The following KCNT2 variants were observed in gnomAD, a reference collection of about 807,000 sequenced individuals.
KCNT2 encodes the protein potassium channel subfamily T member 2.
Under a neutral mutation model 153.8 loss-of-function variants are expected in KCNT2, and 67 were observed. That is an observed-to-expected ratio of 0.44 (90% CI 0.36 to 0.53). The LOEUF is 0.53. KCNT2 is among the 20% of genes least tolerant of loss of function. The probability of loss-of-function intolerance (pLI) is 0.00; values close to 1 mark genes in which losing one functional copy is unlikely to be tolerated. For synonymous variants in KCNT2, 500 were observed against 458.8 expected (o/e 1.09, Z -1.15); for missense variants, 975 against 1,354.8 (o/e 0.72, Z 4.40).
At chr1:196,233,853 A>G (rs556868599) in intron 27 of KCNT2, among the ~76,000 whole-genome samples, 1 of 151,582 alleles carries the variant, frequency 6.6e-6, no homozygotes, top group East Asian at 1.9e-4. Flanking sequence ...AGCTAAAATA[A>G]TTGATCTCAT....
At chr1:196,313,189 C>T (rs115768973) in intron 21 of KCNT2, among the ~76,000 whole-genome samples, 4 of 151,588 alleles carry the variant, frequency 2.6e-5, no homozygotes, top group African/African-American at 7.2e-5. Flanking sequence ...GTAGTAGGAT[C>T]GGTGGATGAC....
chr1:196,597,917 T>C (rs962963115), intron 1 of KCNT2, among the ~76,000 whole-genome samples: 3 of 152,156 alleles, frequency 2.0e-5, no homozygotes, highest in African/African-American at 7.2e-5. Context: ...GTAAATTTCA[T>C]AACATCCCTG....
intron 17 of KCNT2, among the ~76,000 whole-genome samples, chr1:196,331,775 A>C (rs1664489676): frequency 6.6e-6 from 1 of 152,144 alleles, no homozygotes. Context: ...AAATACATTT[A>C]AGGCAAAATG....
intron 19 of KCNT2, among the ~76,000 whole-genome samples, chr1:196,322,366 A>G (rs954300990): frequency 1.3e-5 from 2 of 151,900 alleles, no homozygotes; most frequent in African/African-American, 4.8e-5. Flanking sequence ...CATGACAAAA[A>G]ATAGATCCAG....
chr1:196,561,498 T>G (rs978267226), intron 1 of KCNT2, among the ~76,000 whole-genome samples: 4 of 150,874 alleles, frequency 2.7e-5, no homozygotes, highest in Non-Finnish European at 4.4e-5. Context: ...TAAAGATGAC[T>G]CCTAAGTTGT....
intron 12 of KCNT2, among the ~76,000 whole-genome samples, chr1:196,411,647 G>T (rs897374925): frequency 2.0e-5 from 3 of 151,666 alleles, no homozygotes; most frequent in African/African-American, 7.3e-5. Flanking sequence ...TATGGTAAAA[G>T]AGTTATTTTC....
chr1:196,393,091 C>G (rs1670623055), intron 13 of KCNT2, among the ~76,000 whole-genome samples: 1 of 151,302 alleles, frequency 6.6e-6, no homozygotes, highest in Non-Finnish European at 1.5e-5. Flanking sequence ...ATACCGTAAC[C>G]AAAGCATAGA....
intron 23 of KCNT2, among the ~76,000 whole-genome samples, chr1:196,283,359 C>A (rs563187783): frequency 6.6e-6 from 1 of 151,674 alleles, no homozygotes; most frequent in African/African-American, 2.4e-5. Flanking sequence ...GCGTGAACCC[C>A]GGGGGGCAGA....
chr1:196,273,521 A>G (rs1300353896), intron 25 of KCNT2: 1 of 1,511,048 alleles, frequency 6.6e-7, no homozygotes, highest in East Asian at 2.5e-5. Flanking sequence ...GAAACACACA[A>G]AACACAGTTT....
At chr1:196,281,344 A>C (rs1659074253) in intron 24 of KCNT2, among the ~76,000 whole-genome samples, 1 of 152,188 alleles carries the variant, frequency 6.6e-6, no homozygotes, top group Non-Finnish European at 1.5e-5. Context: ...GCAATAGAGC[A>C]CTGGTAATTG....
At chr1:196,390,603 G>A (rs1670392444) in intron 13 of KCNT2, among the ~76,000 whole-genome samples, 1 of 151,050 alleles carries the variant, frequency 6.6e-6, no homozygotes, top group East Asian at 2.0e-4. Flanking sequence ...CCTCCTCACT[G>A]CACTCAACAT....
chr1:196,426,023 A>G, intron 10 of KCNT2, 35 bp from the exon 11 acceptor site: 1 of 1,577,808 alleles, frequency 6.3e-7, no homozygotes, highest in South Asian at 1.1e-5. Context: ...GAATAGAAAC[A>G]AAAATGTTTT....
intron 12 of KCNT2, among the ~76,000 whole-genome samples, chr1:196,417,984 G>A (rs1261838165): frequency 4.4e-4 from 67 of 152,190 alleles, no homozygotes; most frequent in Non-Finnish European, 7.4e-5. Flanking sequence ...ACTGTAGTTC[G>A]ATAATTTTTG....
intron 25 of KCNT2, among the ~76,000 whole-genome samples, chr1:196,275,682 C>T (rs1408178638): frequency 6.6e-6 from 1 of 151,880 alleles, no homozygotes; most frequent in Non-Finnish European, 1.5e-5. Flanking sequence ...GCATGAAAAC[C>T]TGCATCTGCC....
chr1:196,404,522 T>C (rs1316403323), intron 12 of KCNT2, among the ~76,000 whole-genome samples: 2 of 151,580 alleles, frequency 1.3e-5, no homozygotes, highest in Non-Finnish European at 3.0e-5. Context: ...TCTCCACTCA[T>C]AACCAGCATT....
chr1:196,399,020 G>A (rs1006029028), intron 12 of KCNT2, among the ~76,000 whole-genome samples: 1 of 151,052 alleles, frequency 6.6e-6, no homozygotes, highest in Admixed American at 6.6e-5. Context: ...AATCAAAAAT[G>A]TACATATAAT....
At chr1:196,600,447 C>T (rs866242695) in intron 1 of KCNT2, among the ~76,000 whole-genome samples, 3 of 152,100 alleles carry the variant, frequency 2.0e-5, no homozygotes, top group African/African-American at 7.2e-5. Context: ...ATTACATGAG[C>T]GTTTAATTAA....
chr1:196,349,142 T>G (rs1162913485), intron 14 of KCNT2, among the ~76,000 whole-genome samples: 1 of 152,120 alleles, frequency 6.6e-6, no homozygotes, highest in Non-Finnish European at 1.5e-5. Context: ...ACAAATGTCT[T>G]AATGGAAAAA....
chr1:196,325,567 C>T (rs1663763174), intron 19 of KCNT2, among the ~76,000 whole-genome samples: 1 of 152,104 alleles, frequency 6.6e-6, no homozygotes, highest in South Asian at 2.1e-4. Context: ...ATTGCCATAG[C>T]CATCCCACAA....
Sources: gnomAD v4.1 joint callset for allele counts (sites outside exome capture counted in the v4.1 genomes callset) on GRCh38, gnomAD v4.1.1 for gene constraint, MANE v1.5 for transcripts, NCBI Gene and HGNC (gene_info 2026-07-23, HGNC 2026-07-21) for gene names.